CTNNA3: variants seen among roughly 807,000 people sequenced by gnomAD.
CTNNA3 encodes catenin alpha-3.
Under a neutral mutation model 95.7 loss-of-function variants are expected in CTNNA3, and 76 were observed. The ratio of observed to expected loss-of-function variants is 0.79; its 90% CI spans 0.66 to 0.96. CTNNA3 has a LOEUF of 0.96. Among genes scored for constraint, CTNNA3 ranks in the 40% least tolerant of loss-of-function variants. CTNNA3 has a pLI of 0.00. For synonymous variants in CTNNA3, 431 were observed against 374.4 expected, an observed-to-expected ratio of 1.15 and a Z score of -1.74; for missense variants, 1,191 against 1,089.8, an observed-to-expected ratio of 1.09 and a Z score of -1.31.
At chr10:67,359,716 G>T (rs192388320) in intron 5 of CTNNA3, among the ~76,000 whole-genome samples, 5 of 152,088 alleles carry the variant, frequency 3.3e-5, no homozygotes, top group Non-Finnish European at 7.4e-5. Flanking sequence ...ATTATGTAGA[G>T]ACCAAATCTA....
rs115404718 is a variant in CTNNA3 at position 66,325,386 on chromosome 10, A to C, written c.1733-44765T>G. ...ACAAGAGTCAAGATGAGTTGTTCAT[A>C]TCTTGCCTGCAGAAAAAATAACGTG... is the stretch of plus-strand genomic sequence containing the variant. On this transcript the variant is annotated intron_variant, in intron 12 of 17. Transcript: ENST00000433211. Among the ~76,000 whole-genome samples the C allele has an allele frequency of 6.3e-3, 961 of 152,198 alleles. 12 individuals carry two copies. Among genetic ancestry groups the C allele is most frequent in the African/African-American group, 0.021 (853 of 41,540 alleles).
intron 10 of CTNNA3, among the ~76,000 whole-genome samples, chr10:66,572,694 A>G (rs1362664495): frequency 6.6e-6 from 1 of 152,166 alleles, no homozygotes; most frequent in African/African-American, 2.4e-5. Context: ...TTATCTCCAC[A>G]TTTAACTTTC....
At chr10:67,186,027 CA>C (rs201984879) in intron 6 of CTNNA3, among the ~76,000 whole-genome samples, 24,104 of 97,378 alleles carry the variant, frequency 0.25, 1,921 homozygotes, top group East Asian at 0.34. Flanking sequence ...CTCCGTCTCA[CA>C]AAAAAAAAAA....
rs543478300 is a variant in CTNNA3, at chr10:67,180,445, T to A, written c.919A>T (p.Ile307Phe). 7.4e-6 allele frequency: 12 copies of A among 1,613,898 alleles called. No homozygotes were observed. The South Asian group carries it at 1.3e-4, about 18-fold the overall frequency. ...RPSLEKRLEAIISGAALLADS... is the reference protein window; with the variant it reads ...RPSLEKRLEAFISGAALLADS... ...GCCAGCAGAGCAGCCCCACTGATAA[T>A]GGCTTCAAGGCGTTTCTCTAGTGAT... is the stretch of plus-strand genomic sequence containing the variant. The change falls in exon 7 of 18, where the codon ATT (isoleucine) becomes TTT (phenylalanine). Residue 307 changes from isoleucine (I) to phenylalanine (F), a missense_variant. Coordinates refer to ENST00000433211, the MANE Select transcript of CTNNA3 (RefSeq NM_013266.4).
Position 66,687,874 on chromosome 10 carries a change from AT to A in CTNNA3, c.1282-66091del, listed in dbSNP as rs549406892. On this transcript the variant is annotated intron_variant, in intron 9 of 17. Coordinates refer to ENST00000433211, the MANE Select transcript of CTNNA3 (RefSeq NM_013266.4). ...AGGCATTTCATATATTCCATAATTT[AT>A]TGAGGAAAAAAATGATATTGAGGTC... Among the ~76,000 whole-genome samples, 26 of 152,078 alleles carry A rather than the reference AT, an allele frequency of 1.7e-4. No individual in the cohort carries two copies. The East Asian group carries it at 5.0e-3, about 29-fold the overall frequency.
intron 15 of CTNNA3, among the ~76,000 whole-genome samples, chr10:65,998,355 G>A (rs1360028178): frequency 6.6e-6 from 1 of 151,730 alleles, no homozygotes; most frequent in East Asian, 1.9e-4. Context: ...TATGATAAGG[G>A]GACATTTTTC....
intron 5 of CTNNA3, among the ~76,000 whole-genome samples, chr10:67,379,560 A>C (rs956039913): frequency 1.3e-5 from 2 of 152,330 alleles, no homozygotes; most frequent in Non-Finnish European, 2.9e-5. Flanking sequence ...TGCTTTTCCC[A>C]AAGGTAAAGC....
chr10:67,648,689 A>G, intron 1 of CTNNA3: 1 of 1,218,244 alleles, frequency 8.2e-7, no homozygotes, highest in Non-Finnish European at 1.1e-6. Flanking sequence ...TTATTGGCAT[A>G]TGATACATCA....
rs186784309 is a variant in CTNNA3, at chr10:66,164,409, T to C, written c.1885-61160A>G. ...ATTGCACTATTGGGAATATAGGTCA[T>C]AGATTGCCAAAGTGTCCTGTTCTCC... On this transcript the variant is annotated intron_variant, in intron 13 of 17. Coordinates refer to ENST00000433211, the MANE Select transcript of CTNNA3 (RefSeq NM_013266.4). Among the ~76,000 whole-genome samples, 45 of 152,278 alleles carry C rather than the reference T, an allele frequency of 3.0e-4. No homozygotes were observed. The East Asian group carries it at 6.8e-3, about 23-fold the overall frequency.
At chr10:66,702,340 C>G (rs1847972364) in intron 9 of CTNNA3, among the ~76,000 whole-genome samples, 1 of 151,934 alleles carries the variant, frequency 6.6e-6, no homozygotes, top group African/African-American at 2.4e-5. Flanking sequence ...AGTTGAAGGA[C>G]CAGGAAGTGA....
chr10:67,290,666 A>T (rs1839800620), intron 5 of CTNNA3, among the ~76,000 whole-genome samples: 2 of 152,206 alleles, frequency 1.3e-5, no homozygotes, highest in African/African-American at 4.8e-5. Flanking sequence ...CATCACTAGC[A>T]GGATAACCAG....
chr10:66,017,072 T>TA (rs2079108534), intron 15 of CTNNA3, among the ~76,000 whole-genome samples: 1 of 152,156 alleles, frequency 6.6e-6, no homozygotes, highest in Non-Finnish European at 1.5e-5. Flanking sequence ...CTGAACTACA[T>TA]AAATGCCTGG....
intron 7 of CTNNA3, among the ~76,000 whole-genome samples, chr10:67,089,959 C>T (rs1857532904): frequency 6.6e-6 from 1 of 151,938 alleles, no homozygotes; most frequent in Admixed American, 6.6e-5. Context: ...AGAAAAAATT[C>T]AAGACAAGTA....
chr10:67,188,324 GT>G (rs1862959289), intron 6 of CTNNA3, among the ~76,000 whole-genome samples: 3 of 152,102 alleles, frequency 2.0e-5, no homozygotes, highest in Admixed American at 2.0e-4. Context: ...AGTGAAACCC[GT>G]TTCTACAAAA....
intron 5 of CTNNA3, among the ~76,000 whole-genome samples, chr10:67,231,356 G>T (rs558212267): frequency 6.6e-6 from 1 of 152,198 alleles, no homozygotes; most frequent in African/African-American, 2.4e-5. Flanking sequence ...TCCTCAAGTG[G>T]GTCCCTCACC....
intron 3 of CTNNA3, among the ~76,000 whole-genome samples, chr10:67,591,068 G>A (rs1268512043): frequency 1.3e-5 from 2 of 151,904 alleles, no homozygotes; most frequent in Non-Finnish European, 2.9e-5. Context: ...TTGACTTTTT[G>A]TCTATAGTTA....
intron 7 of CTNNA3, among the ~76,000 whole-genome samples, chr10:67,031,431 T>A (rs1853720422): frequency 6.6e-6 from 1 of 152,202 alleles, no homozygotes; most frequent in South Asian, 2.1e-4. Context: ...CTATACATTG[T>A]GCTTATCACT....
At chr10:67,699,914 C>T (rs1841021818), upstream of CTNNA3, among the ~76,000 whole-genome samples, 1 of 152,220 alleles carries the variant, frequency 6.6e-6, no homozygotes, top group Admixed American at 6.5e-5. Context: ...CGGGTCACTC[C>T]CACCCTAATA....
At chr10:66,977,462 T>C (rs990988726) in intron 7 of CTNNA3, among the ~76,000 whole-genome samples, 25 of 151,414 alleles carry the variant, frequency 1.7e-4, no homozygotes, top group Admixed American at 6.6e-5. Flanking sequence ...ATAAAGATCA[T>C]ATGATATGAC....
Sources: allele counts gnomAD v4.1 joint callset (sites outside exome capture counted in the v4.1 genomes callset), GRCh38; gene constraint gnomAD v4.1.1; transcripts MANE v1.5; gene names NCBI Gene and HGNC (gene_info 2026-07-23, HGNC 2026-07-21).